FMNL2: variants seen among roughly 807,000 people sequenced by gnomAD.
The protein encoded by FMNL2 is formin like 2.
Under a neutral mutation model 130.2 loss-of-function variants are expected in FMNL2, and 51 were observed. The ratio of observed to expected loss-of-function variants is 0.39; its 90% confidence interval spans 0.31 to 0.49. The LOEUF is 0.49. Ranked by LOEUF, FMNL2 falls within the 20% of genes least tolerant of loss-of-function variation. The probability of loss-of-function intolerance (pLI) is 0.85; values close to 1 mark genes in which losing one functional copy is unlikely to be tolerated. For synonymous variants in FMNL2, 465 were observed against 467.1 expected (o/e 1.00, Z 0.06); for missense variants, 977 against 1,316.2 (o/e 0.74, Z 3.99).
rs79422831 is a variant in FMNL2, at chr2:152,503,473, G to T, written c.118-18470G>T. Among the ~76,000 whole-genome samples the T allele has an allele frequency of 4.0e-3, 616 of 152,240 alleles. 3 individuals carry two copies. Among genetic ancestry groups the T allele is most frequent in the Admixed American group, 6.5e-3 (100 of 15,298 alleles). Reference sequence around the variant, plus strand: ...TTAGACATAGAGGGTGGGGAATTCTGGATAAACTGACTTAGAGTTCTTGCC... The same window carrying T: ...TTAGACATAGAGGGTGGGGAATTCTTGATAAACTGACTTAGAGTTCTTGCC... On this transcript the variant is annotated intron_variant, in intron 1 of 25. Transcript: ENST00000288670.
At chr2:152,340,523 C>T (rs548601829) in intron 1 of FMNL2, among the ~76,000 whole-genome samples, 3 of 152,170 alleles carry the variant, frequency 2.0e-5, no homozygotes, top group Non-Finnish European at 2.9e-5. Context: ...AAAAATTGAT[C>T]TGGTCCAAAA....
chr2:152,505,743 C>T (rs1412582873), intron 1 of FMNL2, among the ~76,000 whole-genome samples: 1 of 152,226 alleles, frequency 6.6e-6, no homozygotes, highest in East Asian at 1.9e-4. Flanking sequence ...CTTCGAGTGT[C>T]TGATAATGAG....
intron 1 of FMNL2, among the ~76,000 whole-genome samples, chr2:152,392,261 T>A (rs1685155231): frequency 6.6e-6 from 1 of 152,162 alleles, no homozygotes; most frequent in African/African-American, 2.4e-5. Context: ...ACTTGGATCC[T>A]GATTTAGTGG....
At chr2:152,612,426 G>A (rs1054563390) in intron 11 of FMNL2, among the ~76,000 whole-genome samples, 1 of 152,134 alleles carries the variant, frequency 6.6e-6, no homozygotes, top group African/African-American at 2.4e-5. Flanking sequence ...AAGCTGAAGT[G>A]GGGGGATCAT....
intron 5 of FMNL2, among the ~76,000 whole-genome samples, chr2:152,560,084 T>C (rs1695439425): frequency 6.6e-6 from 1 of 152,240 alleles, no homozygotes; most frequent in African/African-American, 2.4e-5. Flanking sequence ...TTCCTGAGGA[T>C]ATTAAGTGTA....
At chr2:152,510,602 C>T (rs940639933) in intron 1 of FMNL2, among the ~76,000 whole-genome samples, 4 of 152,172 alleles carry the variant, frequency 2.6e-5, no homozygotes, top group Admixed American at 1.3e-4. Flanking sequence ...ATACCAGCAA[C>T]GTTAAAGTAT....
chr2:152,532,855 G>A (rs190932812), intron 2 of FMNL2, among the ~76,000 whole-genome samples: 112 of 152,146 alleles, frequency 7.4e-4, no homozygotes, highest in African/African-American at 2.6e-3. Context: ...TGATCCACCC[G>A]CCTTGGCCTC....
At chr2:152,500,001 T>G (rs1691723694) in intron 1 of FMNL2, among the ~76,000 whole-genome samples, 1 of 152,170 alleles carries the variant, frequency 6.6e-6, no homozygotes. Context: ...CTGCTTTCTC[T>G]TTTGCAGTCT....
intron 1 of FMNL2, among the ~76,000 whole-genome samples, chr2:152,369,605 G>A (rs1291607119): frequency 2.0e-5 from 3 of 152,192 alleles, no homozygotes; most frequent in Non-Finnish European, 4.4e-5. Context: ...ACTGCGTGCC[G>A]ATTGTCTAGG....
At position 152,517,666 on chromosome 2, in the gene FMNL2, G is replaced by C. The variant is rs558703149; in HGVS notation, c.118-4277G>C. On this transcript the variant is annotated intron_variant, in intron 1 of 25. Coordinates refer to ENST00000288670, the MANE Select transcript of FMNL2 (RefSeq NM_052905.4). ...CAATTTTACAGAAATAATACTCTTGGATGATCTAATTTATTTTAGCTAGGA... is the reference window on the plus strand; with the variant it reads ...CAATTTTACAGAAATAATACTCTTGCATGATCTAATTTATTTTAGCTAGGA... Among the ~76,000 whole-genome samples, 4 of 152,234 alleles carry C rather than the reference G, an allele frequency of 2.6e-5. No homozygotes were observed. The South Asian group carries it at 8.3e-4, about 32-fold the overall frequency.
chr2:152,520,595 C>A (rs75438469), intron 1 of FMNL2, among the ~76,000 whole-genome samples: 186 of 130,284 alleles, frequency 1.4e-3, no homozygotes, highest in African/African-American at 2.6e-3. Context: ...AACCCCATCT[C>A]AAAAAAAAAA....
intron 6 of FMNL2, among the ~76,000 whole-genome samples, chr2:152,566,883 G>T (rs60578674): frequency 0.03 from 4,593 of 152,242 alleles, 235 homozygotes; most frequent in African/African-American, 0.1. Flanking sequence ...CAGAGGGGTG[G>T]CTGGGAAAAG....
chr2:152,500,283 C>A (rs1691739145), intron 1 of FMNL2, among the ~76,000 whole-genome samples: 1 of 151,956 alleles, frequency 6.6e-6, no homozygotes, highest in Non-Finnish European at 1.5e-5. Flanking sequence ...ATTAAGAAAT[C>A]AGTCTGATGT....
intron 6 of FMNL2, among the ~76,000 whole-genome samples, chr2:152,574,454 A>T (rs1220986639): frequency 6.9e-6 from 1 of 144,290 alleles, no homozygotes; most frequent in Non-Finnish European, 1.5e-5. Context: ...AAAAAAAAAA[A>T]GAAAAGAAAC....
chr2:152,614,389 C>G (rs1245475671), intron 11 of FMNL2, among the ~76,000 whole-genome samples: 1 of 152,212 alleles, frequency 6.6e-6, no homozygotes, highest in Non-Finnish European at 1.5e-5. Context: ...CTCCATAATT[C>G]TCTTAAGGAA....
intron 15 of FMNL2, chr2:152,625,184 G>GAA: frequency 2.6e-5 from 9 of 344,198 alleles, no homozygotes; most frequent in Admixed American, 4.2e-5. Context: ...TGAGTTAAAA[G>GAA]AAAAAAAAAA....
At chr2:152,436,298 A>C (rs968124214) in intron 1 of FMNL2, among the ~76,000 whole-genome samples, 10 of 151,896 alleles carry the variant, frequency 6.6e-5, no homozygotes, top group African/African-American at 2.4e-4. Context: ...ACTGGTGCAC[A>C]CTACTATGCT....
At chr2:152,452,886 G>A (rs1253345397) in intron 1 of FMNL2, among the ~76,000 whole-genome samples, 1 of 147,866 alleles carries the variant, frequency 6.8e-6, no homozygotes, top group East Asian at 1.9e-4. Context: ...TTAAGCCTCA[G>A]TGTGGTGCTG....
At chr2:152,629,512 C>T (rs1360799466) in intron 18 of FMNL2, 144 bp from the exon 19 acceptor site, 11 of 699,350 alleles carry the variant, frequency 1.6e-5, no homozygotes, top group East Asian at 2.7e-5. Context: ...ATTTGTTATA[C>T]TTAGAAAAAG....
Sources: gnomAD v4.1 joint callset for allele counts (sites outside exome capture counted in the v4.1 genomes callset) on GRCh38, gnomAD v4.1.1 for gene constraint, MANE v1.5 for transcripts, NCBI Gene and HGNC (gene_info 2026-07-23, HGNC 2026-07-21) for gene names.